The following NUMA1 variants were observed in gnomAD, a reference collection of about 807,000 sequenced individuals.
The protein encoded by NUMA1 is nuclear mitotic apparatus protein 1.
NUMA1 carries 62 observed loss-of-function variants against 237.1 expected under a neutral mutation model. The observed-to-expected ratio is 0.26, with a 90% confidence interval of 0.21 to 0.32. The LOEUF (loss-of-function observed/expected upper bound fraction) is 0.32. NUMA1 is among the 10% of genes least tolerant of loss of function. The pLI, the probability that NUMA1 is intolerant of heterozygous loss-of-function variation, is 1.00. For missense variants in NUMA1, 2,533 were observed against 2,666.5 expected (o/e 0.95, Z 1.10); for synonymous variants, 1,028 against 1,066.1 (o/e 0.96, Z 0.70).
At chr11:72,079,366 C>A (rs1943910381) in intron 1 of NUMA1, among the ~76,000 whole-genome samples, 1 of 152,094 alleles carries the variant, frequency 6.6e-6, no homozygotes, top group Non-Finnish European at 1.5e-5. Context: ...GATGGTGAAA[C>A]CCTGTGTCTA....
intron 2 of NUMA1, among the ~76,000 whole-genome samples, chr11:72,052,898 G>A (rs1419383844): frequency 6.6e-6 from 1 of 152,212 alleles, no homozygotes; most frequent in Non-Finnish European, 1.5e-5. Flanking sequence ...CATGATCAGG[G>A]CTATGTTTCA....
chr11:72,053,502 TAG>T (rs1942476869), intron 2 of NUMA1, among the ~76,000 whole-genome samples: 1 of 152,226 alleles, frequency 6.6e-6, no homozygotes, highest in African/African-American at 2.4e-5. Flanking sequence ...AACCTTTATA[TAG>T]AACCCCAGGA....
At chr11:72,022,288 G>C in intron 7 of NUMA1, 51 bp downstream of exon 7, 1 of 1,225,504 alleles carries the variant, frequency 8.2e-7, no homozygotes, top group Non-Finnish European at 1.2e-6. Flanking sequence ...AGTCAGGTGA[G>C]GTGAAGCATG....
rs1938120118 is a variant in NUMA1, at chr11:72,017,963, C to T, written c.979-136G>A. On this transcript the variant is annotated intron_variant, in intron 12 of 26. Transcript: ENST00000393695. ...CTCTACAAACCAATCACAGCCATCA[C>T]ACCTCTAATTCAGAACTACAAATCA... is the stretch of plus-strand genomic sequence containing the variant. The T allele has an allele frequency of 3.6e-6, 4 of 1,105,048 alleles. No homozygotes were observed. The Admixed American group carries it at 6.9e-5, about 19-fold the overall frequency. 68.5% of individuals were successfully genotyped at this position (1,105,048 alleles called of 1,614,324 possible).
At chr11:72,032,579 A>G (rs954713455) in intron 3 of NUMA1, among the ~76,000 whole-genome samples, 6 of 152,208 alleles carry the variant, frequency 3.9e-5, no homozygotes, top group African/African-American at 1.2e-4. Context: ...AGTTCCTTTC[A>G]TGGATATAAA....
In NUMA1 at chr11:72,014,563, C is replaced by A; in HGVS notation, c.2940G>T (p.Glu980Asp). The A allele has an allele frequency of 6.2e-7, 1 of 1,603,660 alleles. No homozygotes were observed. The highest frequency in any genetic ancestry group is 8.5e-7 in the Non-Finnish European group (1 of 1,179,982). ...TCAGCGCGGCCCGCAGCCGTTCCAG[C>A]TCATTGCCCATCTGCTCTGCCTCCC... ...MEREAEQMGN[E>D]LERLRAALME... Residue 980 changes from glutamate (E) to aspartate (D), a missense_variant, in exon 15 of 27, where the codon GAG (glutamate) becomes GAT (aspartate). Physicochemically the swap from Glu to Asp is conservative, Grantham distance 45. Coordinates refer to ENST00000393695, the MANE Select transcript of NUMA1 (RefSeq NM_006185.4). The surrounding 1 kb of genome is among the most constrained non-coding windows in gnomAD (Gnocchi z 4.6).
At chr11:72,018,337 T>A (rs113691033) in intron 11 of NUMA1, 37 bp from the exon 12 acceptor site, 3 of 1,608,246 alleles carry the variant, frequency 1.9e-6, no homozygotes, top group Non-Finnish European at 2.6e-6. Context: ...AGAGTATGGG[T>A]TCCTGGCTGG....
intron 20 of NUMA1, chr11:72,008,156 A>G (rs1352301256): frequency 6.3e-6 from 3 of 477,902 alleles, no homozygotes; most frequent in South Asian, 1.5e-5. Flanking sequence ...CTAGCACAAA[A>G]TAAGTAAATG....
At position 72,006,082 on chromosome 11, in the gene NUMA1, C is replaced by A. The variant is rs965011306; in HGVS notation, c.5645G>T (p.Ser1882Ile). 18 of 1,613,950 alleles carry A rather than the reference C, an allele frequency of 1.1e-5. No homozygotes were observed. The highest frequency in any genetic ancestry group is 3.3e-5 in the Admixed American group (2 of 60,012). The change falls in exon 22 of 27, where the codon AGT (serine) becomes ATT (isoleucine). Residue 1882 changes from serine to isoleucine, a missense_variant. Around this residue, in one of 3 missense-constraint regions of NUMA1, gnomAD observed 795 missense variants for 750.8 expected, o/e 1.06. Transcript: ENST00000393695. ...CCCGGCCTGGGAACGACGAGCAGAA[C>A]TGCGAGTGGTGGGGCGGTAGCCAGG... ...SLPGYRPTTR[S>I]SARRSQAGVS...
In NUMA1 at chr11:72,010,871, AG is replaced by A; in HGVS notation, c.4651-18del. ...TTCTTCCACCTGGGGAGGGAAGAGG[AG>A]GACAGAAGACTCAGGAGGACTTCCC... is the stretch of plus-strand genomic sequence containing the variant. On this transcript the variant is annotated intron_variant, in intron 16 of 26. Transcript: ENST00000393695. 1 of 1,611,822 alleles carries A rather than the reference AG, an allele frequency of 6.2e-7. No homozygotes were observed. The highest frequency in any genetic ancestry group is 1.1e-5 in the South Asian group (1 of 91,036).
chr11:72,014,823 T>C lies in NUMA1; in HGVS notation c.2680A>G (p.Arg894Gly), dbSNP rs753507512. ...AGGTCATCTGCAAGCTTCTGGGCCC[T>C]GACTTCCTTCTCTTGGACCTGCTGG... ...ALQQVQEKEV[R>G]AQKLADDLST... Residue 894 changes from arginine to glycine, a missense_variant, in exon 15 of 27, where the codon AGG becomes GGG. This residue lies in a region of NUMA1 where 1,414 missense variants were observed against 1,508.1 expected (regional missense o/e 0.94). Transcript: ENST00000393695. This position sits in a 1 kb window ranked among gnomAD's most constrained non-coding sequence, Gnocchi z 4.6. 1.1e-5 allele frequency: 18 copies of C among 1,614,034 alleles called. No homozygotes were observed. The East Asian group carries it at 4.0e-4, about 36-fold the overall frequency.
Position 72,015,254 on chromosome 11 carries a change from T to G in NUMA1, c.2249A>C (p.His750Pro), listed in dbSNP as rs765716633. The G allele has an allele frequency of 2.5e-6, 4 of 1,613,670 alleles. No homozygotes were observed. Among genetic ancestry groups the G allele is most frequent in the Non-Finnish European group, 2.5e-6 (3 of 1,180,028 alleles). Residue 750 changes from histidine to proline, a missense_variant, in exon 15 of 27, where the codon CAT becomes CCT. Transcript: ENST00000393695. The surrounding 1 kb of genome is among the most constrained non-coding windows in gnomAD (Gnocchi z 4.0). ...KAETRSLVEQ[H>P]KRERKELEEE... Reference sequence around the variant, plus strand: ...TTCCAGCTCCTTTCGTTCCCGCTTATGCTGCTCCACCAGGCTTCGGGTCTC... The same window carrying G: ...TTCCAGCTCCTTTCGTTCCCGCTTAGGCTGCTCCACCAGGCTTCGGGTCTC...
At chr11:72,033,684 A>G (rs1007353207) in intron 3 of NUMA1, among the ~76,000 whole-genome samples, 1 of 152,022 alleles carries the variant, frequency 6.6e-6, no homozygotes, top group African/African-American at 2.4e-5. Context: ...ATGCATATTT[A>G]TTGTGACTTT....
chr11:72,035,604 T>G (rs542852224), intron 3 of NUMA1, among the ~76,000 whole-genome samples: 119 of 150,894 alleles, frequency 7.9e-4, no homozygotes, highest in African/African-American at 2.9e-3. Flanking sequence ...GACGGGGGGG[T>G]TTCACCAGCT....
intron 1 of NUMA1, among the ~76,000 whole-genome samples, chr11:72,074,090 A>G (rs891806005): frequency 4.6e-5 from 7 of 152,274 alleles, no homozygotes; most frequent in African/African-American, 1.7e-4. Flanking sequence ...GCTACTCAGG[A>G]GGATAAGGCA....
At chr11:72,010,203 G>T (rs1033221691) in intron 17 of NUMA1, among the ~76,000 whole-genome samples, 2 of 152,254 alleles carry the variant, frequency 1.3e-5, no homozygotes, top group Non-Finnish European at 2.9e-5. Flanking sequence ...GCTTTAGTGA[G>T]TCCCAATGCC....
chr11:72,009,530 C>T, intron 17 of NUMA1, 143 bp from the exon 18 acceptor site: 1 of 1,107,592 alleles, frequency 9.0e-7, no homozygotes, highest in Admixed American at 2.9e-5. Flanking sequence ...ACCCCAAATA[C>T]TCTCTGCCCG....
chr11:72,039,662 C>T (rs1299756086), intron 2 of NUMA1: 1 of 152,282 alleles, frequency 6.6e-6, no homozygotes, highest in African/African-American at 2.4e-5. Context: ...GGCCTACAGC[C>T]TCACAGCTCA....
rs1956112207 is a variant in NUMA1, at chr11:72,010,873, G to A, written c.4651-19C>T. 1.2e-6 allele frequency: 2 copies of A among 1,610,946 alleles called. No homozygotes were observed. The highest frequency in any genetic ancestry group is 1.7e-6 in the Non-Finnish European group (2 of 1,177,514). On this transcript the variant is annotated intron_variant, in intron 16 of 26. Transcript: ENST00000393695. ...CTTCCACCTGGGGAGGGAAGAGGAG[G>A]ACAGAAGACTCAGGAGGACTTCCCC... is the stretch of plus-strand genomic sequence containing the variant.
Sources: allele counts gnomAD v4.1 joint callset (sites outside exome capture counted in the v4.1 genomes callset), GRCh38; gene constraint gnomAD v4.1.1; regional missense constraint gnomAD v4.1.1; non-coding constraint Gnocchi (gnomAD v3.1); transcripts MANE v1.5; gene names NCBI Gene and HGNC (gene_info 2026-07-23, HGNC 2026-07-21).